Variants in OR4K2 observed in about 807,000 individuals in gnomAD.
OR4K2 encodes the protein olfactory receptor family 4 subfamily K member 2, also known as olfactory receptor 4K2.
A neutral mutation model predicts 10.5 loss-of-function variants in OR4K2; 8 were observed. The ratio of observed to expected loss-of-function variants is 0.76; its 90% CI spans 0.45 to 1.37. The LOEUF is 1.37. OR4K2 is among the 40% of genes most tolerant of loss of function. The pLI is 0.00. For synonymous variants in OR4K2, 178 were observed against 133.6 expected, an observed-to-expected ratio of 1.33 and a Z score of -2.29; for missense variants, 547 against 379.5, an observed-to-expected ratio of 1.44 and a Z score of -3.67.
At position 19,882,084 on chromosome 14, in the gene OR4K2, G is replaced by T. The variant is rs147420748; in HGVS notation, c.*4872G>T. 0.022 allele frequency: 3,327 copies of T among 152,044 alleles called. 56 individuals are homozygous for T. Among genetic ancestry groups the T allele is most frequent in the African/African-American group, 0.075 (3,090 of 41,246 alleles). 9.4% of individuals were successfully genotyped at this position (152,044 alleles called of 1,614,324 possible). Reference sequence around the variant, plus strand: ...TTCCAGAGCACATTACCCCAGTAATGTGATGTAAGGGCAAAAGGCAAAAAG... The same window carrying T: ...TTCCAGAGCACATTACCCCAGTAATTTGATGTAAGGGCAAAAGGCAAAAAG... On this transcript the variant is annotated 3_prime_UTR_variant, in exon 2 of 2. Transcript: ENST00000641885.
rs1278212157 is a variant in OR4K2, at chr14:19,878,758, C to T, written c.*1546C>T. ...CATGCTTCTGTAAGCACAAGATTAG[C>T]ATAATTCTATTTTAAATAGGGATAC... On this transcript the variant is annotated 3_prime_UTR_variant, in exon 2 of 2. Transcript: ENST00000641885. 1.3e-5 allele frequency: 2 copies of T among 152,186 alleles called. No homozygotes were observed. The highest frequency in any genetic ancestry group is 4.8e-5 in the African/African-American group (2 of 41,452). The allele number at this position is 152,186 out of a possible 1,614,324, so 9.4% of individuals were successfully genotyped here.
chr14:19,876,483 T>C lies in OR4K2; in HGVS notation c.216T>C (p.Ser72=). Residue 72 remains serine, a synonymous_variant, in exon 2 of 2, where the codon TCT becomes TCC. Coordinates refer to ENST00000641885, the MANE Select transcript of OR4K2 (RefSeq NM_001005501.2). The part of the protein sequence containing the change: ...LLTNLSIIDM[S]LASFATPKMI... ...CCAATCTTTCAATCATTGATATGTC[T>C]CTTGCTTCTTTCGCCACCCCAAAGA... 1 of 1,614,182 alleles carries C rather than the reference T, an allele frequency of 6.2e-7. No individual in the cohort carries two copies. The highest frequency in any genetic ancestry group is 8.5e-7 in the Non-Finnish European group (1 of 1,179,994).
rs1880976647 is a variant in OR4K2 at position 19,879,011 on chromosome 14, G to A, written c.*1799G>A. On this transcript the variant is annotated 3_prime_UTR_variant, in exon 2 of 2. Coordinates refer to ENST00000641885, the MANE Select transcript of OR4K2 (RefSeq NM_001005501.2). ...GGAATCTTTTGGAAGAGACGCTATT[G>A]ATTTTCTGTGCTTTTGTGGAGAATT... is the stretch of plus-strand genomic sequence containing the variant. 6.6e-6 allele frequency: 1 copy of A among 152,232 alleles called. No homozygotes were observed. Among genetic ancestry groups the A allele is most frequent in the African/African-American group, 2.4e-5 (1 of 41,458 alleles). The allele number at this position is 152,232 out of a possible 1,614,324, so 9.4% of individuals were successfully genotyped here.
chr14:19,877,750 C>T lies in OR4K2; in HGVS notation c.*538C>T, dbSNP rs1330239028. 2.0e-5 allele frequency: 3 copies of T among 152,720 alleles called. No homozygotes were observed. Among genetic ancestry groups the T allele is most frequent in the African/African-American group, 7.2e-5 (3 of 41,464 alleles). The allele number at this position is 152,720 out of a possible 1,614,324, so 9.5% of individuals were successfully genotyped here. ...AGAAAACTCTAGATATATTTTATTT[C>T]GAATGTTAATGACGTCCATAAAATT... On this transcript the variant is annotated 3_prime_UTR_variant, in exon 2 of 2. Coordinates refer to ENST00000641885, the MANE Select transcript of OR4K2 (RefSeq NM_001005501.2).
chr14:19,875,396 C>G lies in OR4K2; in HGVS notation c.-762C>G, dbSNP rs1880868838. 6.6e-6 allele frequency: 1 copy of G among 152,222 alleles called. No homozygotes were observed. The highest frequency in any genetic ancestry group is 6.5e-5 in the Admixed American group (1 of 15,288). 9.4% of individuals were successfully genotyped at this position (152,222 alleles called of 1,614,324 possible). ...TTCCATGAAGCTTAGGTCAATACAA[C>G]AGTTTACATATGTTAACATTTACAG... On this transcript the variant is annotated 5_prime_UTR_variant, in exon 1 of 2. Coordinates refer to ENST00000641885, the MANE Select transcript of OR4K2 (RefSeq NM_001005501.2).
At position 19,876,310 on chromosome 14, in the gene OR4K2, C is replaced by T; in HGVS notation, c.43C>T (p.Leu15=). ...NKSTMSEFVL[L]GLSNSWELQM... ...GTCTACCATGTCTGAATTTGTTTTGCTGGGGCTCTCTAATTCCTGGGAACT... is the reference window on the plus strand; with the variant it reads ...GTCTACCATGTCTGAATTTGTTTTGTTGGGGCTCTCTAATTCCTGGGAACT... Residue 15 remains leucine (L), a synonymous_variant, in exon 2 of 2, where the codon CTG becomes TTG. Transcript: ENST00000641885. 6.3e-7 allele frequency: 1 copy of T among 1,590,018 alleles called. No individual in the cohort carries two copies. The highest frequency in any genetic ancestry group is 8.6e-7 in the Non-Finnish European group (1 of 1,167,636).
chr14:19,877,088 T>C lies in OR4K2; in HGVS notation c.821T>C (p.Phe274Ser), dbSNP rs780106091. Residue 274 changes from phenylalanine to serine, a missense_variant, in exon 2 of 2, where the codon TTT (phenylalanine) becomes TCT (serine). Coordinates refer to ENST00000641885, the MANE Select transcript of OR4K2 (RefSeq NM_001005501.2). ...SFLTDKILSV[F>S]YTIFTPTLNP... ...CTCACAGACAAGATTCTGTCTGTGT[T>C]TTATACCATCTTTACTCCCACTCTG... The C allele has an allele frequency of 1.2e-6, 2 of 1,610,336 alleles. No homozygotes were observed. Among genetic ancestry groups the C allele is most frequent in the Non-Finnish European group, 1.7e-6 (2 of 1,179,840 alleles).
chr14:19,878,908 A>G lies in OR4K2; in HGVS notation c.*1696A>G, dbSNP rs1880974104. On this transcript the variant is annotated 3_prime_UTR_variant, in exon 2 of 2. Coordinates refer to ENST00000641885, the MANE Select transcript of OR4K2 (RefSeq NM_001005501.2). The stretch of plus-strand genomic sequence containing the variant: ...TAGCTGGTGCTTAAAAATGCTAGAA[A>G]TAATTCTTTTACTTGACATATTTCT... 1.3e-5 allele frequency: 2 copies of G among 152,256 alleles called. No individual in the cohort carries two copies. The highest frequency in any genetic ancestry group is 2.9e-5 in the Non-Finnish European group (2 of 68,036). 9.4% of individuals were successfully genotyped at this position (152,256 alleles called of 1,614,324 possible). A position where few individuals can be genotyped will look rare whatever the true frequency, so the allele number is the denominator to read the frequency against.
Position 19,883,823 on chromosome 14 carries a change from C to G in OR4K2, c.*6611C>G, listed in dbSNP as rs1461080666. On this transcript the variant is annotated 3_prime_UTR_variant, in exon 2 of 2. Transcript: ENST00000641885. ...TTAAAGAAAGATACCTCTCTTGCAGCTCAATTGCTTTTTAAATAAAATAAA... is the reference window on the plus strand; with the variant it reads ...TTAAAGAAAGATACCTCTCTTGCAGGTCAATTGCTTTTTAAATAAAATAAA... 6.6e-6 allele frequency: 1 copy of G among 152,222 alleles called. No homozygotes were observed. Among genetic ancestry groups the G allele is most frequent in the Non-Finnish European group, 1.5e-5 (1 of 68,030 alleles). 9.4% of individuals were successfully genotyped at this position (152,222 alleles called of 1,614,324 possible). A position where few individuals can be genotyped will look rare whatever the true frequency, so the allele number is the denominator to read the frequency against.
Position 19,876,678 on chromosome 14 carries a change from TC to T in OR4K2, c.415del (p.Gln139ArgfsTer19). The T allele has an allele frequency of 6.2e-7, 1 of 1,614,152 alleles. No homozygotes were observed. Among genetic ancestry groups the T allele is most frequent in the African/African-American group, 1.3e-5 (1 of 75,076 alleles). ...KPLHYASVIS[P>X]QVCVALVVAS... ...CCCTGCACTATGCTTCTGTCATTAGTCCCCAGGTGTGTGTTGCTCTCGTGGT... is the reference window on the plus strand; with the variant it reads ...CCCTGCACTATGCTTCTGTCATTAGTCCCAGGTGTGTGTTGCTCTCGTGGT... On this transcript the variant is annotated frameshift_variant, in exon 2 of 2. Transcript: ENST00000641885. LOFTEE classifies it high-confidence loss of function.
chr14:19,876,161 CT>C, intron 1 of OR4K2, 27 bp downstream of exon 1: 1 of 939,658 alleles, frequency 1.1e-6, no homozygotes, highest in Non-Finnish European at 1.6e-6. Flanking sequence ...GATAAAATTT[CT>C]GAAAGTAGAT....
At position 19,883,332 on chromosome 14, in the gene OR4K2, A is replaced by G. The variant is rs1435977174; in HGVS notation, c.*6120A>G. 1.3e-5 allele frequency: 2 copies of G among 152,274 alleles called. No individual in the cohort carries two copies. The highest frequency in any genetic ancestry group is 4.8e-5 in the African/African-American group (2 of 41,464). 9.4% of individuals were successfully genotyped at this position (152,274 alleles called of 1,614,324 possible). ...TTTTGTTGGCTGAAGCTTATTCTCT[A>G]CTATATTCCTCAGGAAGTCTTCTTG... On this transcript the variant is annotated 3_prime_UTR_variant, in exon 2 of 2. Coordinates refer to ENST00000641885, the MANE Select transcript of OR4K2 (RefSeq NM_001005501.2).
chr14:19,883,086 T>C lies in OR4K2; in HGVS notation c.*5874T>C, dbSNP rs1366430697. 1.3e-5 allele frequency: 2 copies of C among 152,346 alleles called. No homozygotes were observed. Among genetic ancestry groups the C allele is most frequent in the African/African-American group, 4.8e-5 (2 of 41,466 alleles). 9.4% of individuals were successfully genotyped at this position (152,346 alleles called of 1,614,324 possible). A position where few individuals can be genotyped will look rare whatever the true frequency, so the allele number is the denominator to read the frequency against. On this transcript the variant is annotated 3_prime_UTR_variant, in exon 2 of 2. Coordinates refer to ENST00000641885, the MANE Select transcript of OR4K2 (RefSeq NM_001005501.2). ...CTAGGGTCTCCCAGAGTCTGAAATATGCTGATTGCATGCTCATGGTACAGT... is the reference window on the plus strand; with the variant it reads ...CTAGGGTCTCCCAGAGTCTGAAATACGCTGATTGCATGCTCATGGTACAGT...
chr14:19,876,891 G>A lies in OR4K2; in HGVS notation c.624G>A (p.Leu208=). ...TCTCAACAAGTGGCATAATTGCGTT[G>A]TCCTGTTTTATTGTTTTATTTAATT... The part of the protein sequence containing the change: ...FMISTSGIIA[L]SCFIVLFNSY... The change falls in exon 2 of 2, where the codon TTG becomes TTA. Residue 208 remains leucine (L), a synonymous_variant. Coordinates refer to ENST00000641885, the MANE Select transcript of OR4K2 (RefSeq NM_001005501.2). 1 of 1,614,158 alleles carries A rather than the reference G, an allele frequency of 6.2e-7. No homozygotes were observed. The highest frequency in any genetic ancestry group is 8.5e-7 in the Non-Finnish European group (1 of 1,180,002).
At position 19,876,282 on chromosome 14, in the gene OR4K2, T is replaced by A. The variant is rs1880892308; in HGVS notation, c.15T>A (p.Asn5Lys). 1 of 1,476,096 alleles carries A rather than the reference T, an allele frequency of 6.8e-7. No homozygotes were observed. The highest frequency in any genetic ancestry group is 1.4e-5 in the African/African-American group (1 of 68,998). 91.4% of individuals were successfully genotyped at this position (1,476,096 alleles called of 1,614,324 possible). A position where few individuals can be genotyped will look rare whatever the true frequency, so the allele number is the denominator to read the frequency against. MDVGNKSTMSEFVLL... is the reference protein window; with the variant it reads MDVGKKSTMSEFVLL... ...GAATCAAGACAATGGATGTGGGCAA[T>A]AAGTCTACCATGTCTGAATTTGTTT... Residue 5 changes from asparagine (N) to lysine (K), a missense_variant, in exon 2 of 2, where the codon AAT becomes AAA. Asn to Lys is a moderately conservative substitution (Grantham distance 94). Transcript: ENST00000641885.
rs1880909011 is a variant in OR4K2, at chr14:19,876,629, A to G, written c.362A>G (p.Asp121Gly). Residue 121 changes from aspartate to glycine, a missense_variant, in exon 2 of 2, where the codon GAT (aspartate) becomes GGT (glycine). Asp to Gly is a moderately conservative substitution (Grantham distance 94, BLOSUM62 -1). Transcript: ENST00000641885. ...EIILLMAMSF[D>G]RYIAICKPLH... ...ATCTTACTCATGGCCATGTCCTTTG[A>G]TAGGTATATTGCAATATGCAAGCCC... 1 of 1,614,124 alleles carries G rather than the reference A, an allele frequency of 6.2e-7. No individual in the cohort carries two copies.
Position 19,875,925 on chromosome 14 carries a change from G to A in OR4K2, c.-233G>A, listed in dbSNP as rs898871790. The A allele has an allele frequency of 4.1e-6, 1 of 245,716 alleles. No homozygotes were observed. Among genetic ancestry groups the A allele is most frequent in the Non-Finnish European group, 7.8e-6 (1 of 127,652 alleles). The allele number at this position is 245,716 out of a possible 1,614,324, so 15.2% of individuals were successfully genotyped here. On this transcript the variant is annotated 5_prime_UTR_variant, in exon 1 of 2. Coordinates refer to ENST00000641885, the MANE Select transcript of OR4K2 (RefSeq NM_001005501.2). ...CATAAAGTAAGTTCTTACTGTTATC[G>A]TTAGACTTACACAGATGAATAGATG...
In OR4K2 at chr14:19,876,697, C is replaced by T. The variant is rs1880911627; in HGVS notation, c.430C>T (p.Leu144Phe). ...SVISPQVCVA[L>F]VVASWIMGVM... ...CATTAGTCCCCAGGTGTGTGTTGCT[C>T]TCGTGGTGGCTTCCTGGATTATGGG... Residue 144 changes from leucine to phenylalanine, a missense_variant, in exon 2 of 2, where the codon CTC (leucine) becomes TTC (phenylalanine). Leu to Phe is a conservative substitution (Grantham distance 22). Transcript: ENST00000641885. 1.9e-6 allele frequency: 3 copies of T among 1,614,024 alleles called. No homozygotes were observed. The highest frequency in any genetic ancestry group is 2.5e-6 in the Non-Finnish European group (3 of 1,180,006).
Position 19,876,264 on chromosome 14 carries a change from G to C in OR4K2, c.-4G>C. Reference sequence around the variant, plus strand: ...ATACAGGCTTCTGCCTATGAATCAAGACAATGGATGTGGGCAATAAGTCTA... The same window carrying C: ...ATACAGGCTTCTGCCTATGAATCAACACAATGGATGTGGGCAATAAGTCTA... On this transcript the variant is annotated 5_prime_UTR_variant, in exon 2 of 2. Transcript: ENST00000641885. 1.1e-6 allele frequency: 1 copy of C among 893,240 alleles called. No homozygotes were observed. The highest frequency in any genetic ancestry group is 1.7e-6 in the Non-Finnish European group (1 of 581,564). The allele number at this position is 893,240 out of a possible 1,614,324, so 55.3% of individuals were successfully genotyped here. A position where few individuals can be genotyped will look rare whatever the true frequency, so the allele number is the denominator to read the frequency against.
Sources: gnomAD v4.1 joint callset for allele counts on GRCh38, gnomAD v4.1.1 for gene constraint, MANE v1.5 for transcripts, NCBI Gene and HGNC (gene_info 2026-07-23, HGNC 2026-07-21) for gene names.